PEX7: variants seen among roughly 807,000 people sequenced by gnomAD.
PEX7 encodes the protein peroxisomal biogenesis factor 7, also known as PTS2 receptor.
Under a neutral mutation model 47.5 loss-of-function variants are expected in PEX7, and 34 were observed. The observed-to-expected ratio is 0.72, with a 90% CI of 0.54 to 0.95. The LOEUF is 0.95. Ranked by LOEUF, PEX7 falls within the 40% of genes least tolerant of loss-of-function variation. The probability of loss-of-function intolerance (pLI) is 0.00; values close to 1 mark genes in which losing one functional copy is unlikely to be tolerated. For missense variants in PEX7, 394 were observed against 400.3 expected, an observed-to-expected ratio of 0.98 and a Z score of 0.13; for synonymous variants, 141 against 148.8, an observed-to-expected ratio of 0.95 and a Z score of 0.38.
intron 3 of PEX7, among the ~76,000 whole-genome samples, chr6:136,841,151 T>C (rs1582741949): frequency 6.6e-6 from 1 of 152,220 alleles, no homozygotes; most frequent in Admixed American, 6.5e-5. Flanking sequence ...AGTGAATTGA[T>C]TGAAGTTGGG....
chr6:136,887,132 A>T (rs1429393327), intron 8 of PEX7, among the ~76,000 whole-genome samples: 1 of 152,166 alleles, frequency 6.6e-6, no homozygotes, highest in East Asian at 1.9e-4. Flanking sequence ...CTAAATTATT[A>T]TGTATTACCT....
chr6:136,871,678 C>T (rs1775184240), intron 7 of PEX7, among the ~76,000 whole-genome samples: 1 of 152,128 alleles, frequency 6.6e-6, no homozygotes, highest in South Asian at 2.1e-4. Flanking sequence ...CCTGCTTCAG[C>T]TTCCCCAGAA....
chr6:136,867,514 AT>A (rs2115218697), intron 6 of PEX7, among the ~76,000 whole-genome samples: 1 of 152,232 alleles, frequency 6.6e-6, no homozygotes, highest in Non-Finnish European at 1.5e-5. Context: ...AAAAAAAAAA[AT>A]TAAATAGAAA....
chr6:136,883,187 GT>G (rs1450738742), intron 8 of PEX7, among the ~76,000 whole-genome samples: 2 of 152,198 alleles, frequency 1.3e-5, no homozygotes, highest in Admixed American at 6.5e-5. Context: ...TGAGTGCCAG[GT>G]TTATCAATTA....
At chr6:136,834,235 C>T (rs1372253913) in intron 3 of PEX7, among the ~76,000 whole-genome samples, 1 of 152,158 alleles carries the variant, frequency 6.6e-6, no homozygotes. Flanking sequence ...CTCTGTTGCC[C>T]AGGCAGACTG....
At chr6:136,898,983 T>C (rs917557063) in intron 9 of PEX7, among the ~76,000 whole-genome samples, 5 of 152,040 alleles carry the variant, frequency 3.3e-5, no homozygotes, top group African/African-American at 9.7e-5. Flanking sequence ...ATTGTGCTTT[T>C]ATGATAACTC....
intron 3 of PEX7, among the ~76,000 whole-genome samples, chr6:136,843,729 C>T (rs1385099781): frequency 1.3e-5 from 2 of 152,080 alleles, no homozygotes; most frequent in Non-Finnish European, 2.9e-5. Context: ...AACAGATGGC[C>T]ACAGCAGCTC....
chr6:136,878,365 G>T (rs923239687), intron 8 of PEX7, among the ~76,000 whole-genome samples: 1 of 152,164 alleles, frequency 6.6e-6, no homozygotes, highest in Non-Finnish European at 1.5e-5. Flanking sequence ...GTGAGAGAGG[G>T]CATCCTTGTC....
At chr6:136,827,486 T>C (rs1257043054) in intron 3 of PEX7, among the ~76,000 whole-genome samples, 2 of 149,330 alleles carry the variant, frequency 1.3e-5, no homozygotes, top group Admixed American at 1.4e-4. Context: ...CAGATACTTT[T>C]GTGGAACCTG....
At position 136,885,436 on chromosome 6, in the gene PEX7, G is replaced by A. The variant is rs111355876; in HGVS notation, c.804-12706G>A. On this transcript the variant is annotated intron_variant, in intron 8 of 9. Transcript: ENST00000318471. ...AAATATAAAGTGAATTTTAATTTCA[G>A]TGTTGTCAAACTGTATTCAGCCACA... Among the ~76,000 whole-genome samples, 700 of 152,240 alleles carry A rather than the reference G, an allele frequency of 4.6e-3. 6 individuals are homozygous for A. The highest frequency in any genetic ancestry group is 0.016 in the African/African-American group (674 of 41,542).
chr6:136,896,994 A>G (rs1003493464), intron 8 of PEX7, among the ~76,000 whole-genome samples: 4 of 152,188 alleles, frequency 2.6e-5, no homozygotes, highest in African/African-American at 9.7e-5. Flanking sequence ...TTGTTCCCTC[A>G]TTTGGTTGAA....
rs796285595 is a variant in PEX7 at position 136,897,836 on chromosome 6, A to AT, written c.804-305dup. On this transcript the variant is annotated intron_variant, in intron 8 of 9. Coordinates refer to ENST00000318471, the MANE Select transcript of PEX7 (RefSeq NM_000288.4). Reference sequence around the variant, plus strand: ...ACTATCATCTCAATGTCCTTGTGCAATATAAAAACATTTTTTAAATTAAAA... The same window carrying AT: ...ACTATCATCTCAATGTCCTTGTGCAATTATAAAAACATTTTTTAAATTAAAA... Among the ~76,000 whole-genome samples the AT allele has an allele frequency of 4.8e-4, 73 of 152,314 alleles. 2 individuals carry two copies. The highest frequency in any genetic ancestry group is 1.8e-3 in the African/African-American group (73 of 41,592).
chr6:136,897,994 G>T, intron 8 of PEX7, 148 bp from the exon 9 acceptor site: 3 of 579,020 alleles, frequency 5.2e-6, no homozygotes, highest in Non-Finnish European at 9.1e-6. Context: ...GATTTTTTAC[G>T]TAGGGCTTAA....
chr6:136,898,024 T>C lies in PEX7; in HGVS notation c.804-118T>C, dbSNP rs377358141. 117 of 690,186 alleles carry C rather than the reference T, an allele frequency of 1.7e-4. 8 individuals are homozygous for C. The highest frequency in any genetic ancestry group is 5.2e-4 in the Admixed American group (24 of 46,006). 42.8% of individuals were successfully genotyped at this position (690,186 alleles called of 1,614,324 possible). Reference sequence around the variant, plus strand: ...GCTTAATAGTGGGGTTCTGTATTTATGAATTGGCTGAGCCTGTTTGGATAA... The same window carrying C: ...GCTTAATAGTGGGGTTCTGTATTTACGAATTGGCTGAGCCTGTTTGGATAA... On this transcript the variant is annotated intron_variant, in intron 8 of 9. Coordinates refer to ENST00000318471, the MANE Select transcript of PEX7 (RefSeq NM_000288.4).
Position 136,913,768 on chromosome 6 carries a change from G to A in PEX7, c.*242G>A. 4.3e-6 allele frequency: 2 copies of A among 467,380 alleles called. No homozygotes were observed. The highest frequency in any genetic ancestry group is 4.0e-5 in the Admixed American group (1 of 24,734). 29.0% of individuals were successfully genotyped at this position (467,380 alleles called of 1,614,324 possible). A position where few individuals can be genotyped will look rare whatever the true frequency, so the allele number is the denominator to read the frequency against. On this transcript the variant is annotated 3_prime_UTR_variant, in exon 10 of 10. Coordinates refer to ENST00000318471, the MANE Select transcript of PEX7 (RefSeq NM_000288.4). ...AATTAATGTTATGATATATCTTGTA[G>A]TATCTATTAAAATGTCTCTGGGTCA...
chr6:136,834,243 C>A (rs992327252), intron 3 of PEX7, among the ~76,000 whole-genome samples: 2 of 152,170 alleles, frequency 1.3e-5, no homozygotes, highest in African/African-American at 4.8e-5. Context: ...CCCAGGCAGA[C>A]TGCAGTGGCA....
chr6:136,897,936 T>G lies in PEX7; in HGVS notation c.804-206T>G, dbSNP rs956115606. 9.6e-5 allele frequency among the ~76,000 whole-genome samples: 14 copies of G among 146,224 alleles called. 1 individual carries two copies. Among genetic ancestry groups the G allele is most frequent in the Admixed American group, 6.1e-4 (9 of 14,702 alleles). On this transcript the variant is annotated intron_variant, in intron 8 of 9. Coordinates refer to ENST00000318471, the MANE Select transcript of PEX7 (RefSeq NM_000288.4). The stretch of plus-strand genomic sequence containing the variant: ...TTTTATAGGGTAGATTGATGTAGGG[T>G]TTTTTTTTTATATATATAATAGGAT...
intron 8 of PEX7, among the ~76,000 whole-genome samples, chr6:136,886,376 A>G (rs1007394891): frequency 6.6e-6 from 1 of 152,152 alleles, no homozygotes; most frequent in Non-Finnish European, 1.5e-5. Flanking sequence ...CTAGTTGTGA[A>G]ATATGGGAAA....
At chr6:136,887,261 T>C (rs1263532754) in intron 8 of PEX7, among the ~76,000 whole-genome samples, 1 of 152,136 alleles carries the variant, frequency 6.6e-6, no homozygotes, top group African/African-American at 2.4e-5. Flanking sequence ...AATTGTATAT[T>C]ACTTAATATA....
Sources: allele counts gnomAD v4.1 joint callset (sites outside exome capture counted in the v4.1 genomes callset), GRCh38; gene constraint gnomAD v4.1.1; transcripts MANE v1.5; gene names NCBI Gene and HGNC (gene_info 2026-07-23, HGNC 2026-07-21).